Variants in TENM2 observed in about 807,000 individuals in gnomAD.
TENM2 encodes the protein teneurin transmembrane protein 2, also known as teneurin-2.
TENM2 carries 52 observed loss-of-function variants against 245.2 expected under a neutral mutation model. That is an observed-to-expected ratio of 0.21 (90% CI 0.17 to 0.27). The LOEUF is 0.27. Ranked by LOEUF, TENM2 falls within the 10% of genes least tolerant of loss-of-function variation. The pLI is 1.00. For synonymous variants in TENM2, 1,363 were observed against 1,438.9 expected, an observed-to-expected ratio of 0.95 and a Z score of 1.19; for missense variants, 3,046 against 3,666.8, an observed-to-expected ratio of 0.83 and a Z score of 4.37.
the TENM2 span, among the ~76,000 whole-genome samples, chr5:166,983,250 A>G: frequency 6.6e-6 from 1 of 152,094 alleles, no homozygotes; most frequent in Non-Finnish European, 1.5e-5. Flanking sequence ...CAGTCTATTT[A>G]ATATATTGTA....
chr5:167,814,474 AAG>A (rs1766884927), intron 2 of TENM2, among the ~76,000 whole-genome samples: 1 of 150,884 alleles, frequency 6.6e-6, no homozygotes, highest in Non-Finnish European at 1.5e-5. Flanking sequence ...AAAAAAGAAA[AAG>A]AAAAGAAAAA....
chr5:167,496,108 C>A (rs1196349464), intron 2 of TENM2, among the ~76,000 whole-genome samples: 1 of 152,028 alleles, frequency 6.6e-6, no homozygotes. Context: ...CTAGGACAAT[C>A]CTTTTAGAAA....
chr5:167,532,715 TATATATACACACAC>T (rs200854520), intron 2 of TENM2, among the ~76,000 whole-genome samples: 6 of 150,046 alleles, frequency 4.0e-5, no homozygotes, highest in Admixed American at 1.3e-4. Context: ...TCTATATATG[TATATATACACACAC>T]ATATATACAC....
chr5:167,200,686 C>T, the TENM2 span, among the ~76,000 whole-genome samples: 1 of 152,070 alleles, frequency 6.6e-6, no homozygotes, highest in Non-Finnish European at 1.5e-5. Context: ...AGAACCGTGG[C>T]ATGAGAATGT....
intron 2 of TENM2, among the ~76,000 whole-genome samples, chr5:167,800,909 A>G (rs899806737): frequency 1.3e-5 from 2 of 151,912 alleles, no homozygotes; most frequent in Admixed American, 1.3e-4. Context: ...TAGTCCCAGT[A>G]GATGAATAGG....
intron 2 of TENM2, among the ~76,000 whole-genome samples, chr5:167,859,239 A>C (rs1170863479): frequency 2.3e-5 from 1 of 43,798 alleles, no homozygotes; most frequent in African/African-American, 9.1e-5. Context: ...CCTGGCAACC[A>C]CCCCGTCTGA....
chr5:167,576,047 A>G (rs1223718324), intron 2 of TENM2, among the ~76,000 whole-genome samples: 1 of 152,196 alleles, frequency 6.6e-6, no homozygotes, highest in Non-Finnish European at 1.5e-5. Flanking sequence ...TGTATCATAT[A>G]TGCTTTGCTT....
rs544397356 is a variant in TENM2 at position 167,662,180 on chromosome 5, G to A, written c.503-213806G>A. ...TGCCCATTGTATTTATTTTTTAAACGAGCATCCACACAGAACCATGAGGTA... is the reference window on the plus strand; with the variant it reads ...TGCCCATTGTATTTATTTTTTAAACAAGCATCCACACAGAACCATGAGGTA... On this transcript the variant is annotated intron_variant, in intron 2 of 28. Coordinates refer to ENST00000518659, the Ensembl canonical transcript of TENM2. Among the ~76,000 whole-genome samples, 8 of 152,226 alleles carry A rather than the reference G, an allele frequency of 5.3e-5. No individual in the cohort carries two copies. In the South Asian group the frequency reaches 1.2e-3, roughly 24 times the overall value.
chr5:168,182,668 G>A (rs1311227042), intron 13 of TENM2, among the ~76,000 whole-genome samples: 3 of 152,060 alleles, frequency 2.0e-5, no homozygotes, highest in African/African-American at 4.8e-5. Flanking sequence ...GCATCTCAGC[G>A]GGCCCTGAGC....
chr5:167,080,082 G>GT, the TENM2 span, among the ~76,000 whole-genome samples: 1 of 152,098 alleles, frequency 6.6e-6, no homozygotes, highest in Non-Finnish European at 1.5e-5. Context: ...TAAATGTTGC[G>GT]TATCTTCCTG....
chr5:167,203,116 A>G, the TENM2 span, among the ~76,000 whole-genome samples: 12 of 152,286 alleles, frequency 7.9e-5, no homozygotes, highest in South Asian at 6.2e-4. Flanking sequence ...TTGCCTCCCA[A>G]TTATACTTGA....
chr5:168,168,201 C>T (rs1758477653), intron 13 of TENM2, among the ~76,000 whole-genome samples: 1 of 152,158 alleles, frequency 6.6e-6, no homozygotes, highest in Non-Finnish European at 1.5e-5. Context: ...GTGTCTGATA[C>T]AAGTGTGTTT....
chr5:167,128,700 C>A, the TENM2 span, among the ~76,000 whole-genome samples: 1 of 152,172 alleles, frequency 6.6e-6, no homozygotes, highest in Admixed American at 6.5e-5. Flanking sequence ...AGTTAGGGTG[C>A]AGCCTATTCA....
intron 4 of TENM2, among the ~76,000 whole-genome samples, chr5:167,983,032 C>G (rs1782959468): frequency 6.6e-6 from 1 of 152,148 alleles, no homozygotes; most frequent in Non-Finnish European, 1.5e-5. Flanking sequence ...TGTCTGGACA[C>G]TCCCATATGA....
chr5:167,140,907 C>T, the TENM2 span, among the ~76,000 whole-genome samples: 2 of 152,146 alleles, frequency 1.3e-5, no homozygotes, highest in South Asian at 2.1e-4. Flanking sequence ...CTCTATACTA[C>T]CATTAAAACC....
Position 167,673,759 on chromosome 5 carries a change from A to T in TENM2, c.503-202227A>T, listed in dbSNP as rs1027823665. ...AGGGACACCTTTTCTCCAATACCTTATTTTTTTTTTTGAGTGTAGAACAAT... is the reference window on the plus strand; with the variant it reads ...AGGGACACCTTTTCTCCAATACCTTTTTTTTTTTTTTGAGTGTAGAACAAT... On this transcript the variant is annotated intron_variant, in intron 2 of 28. Transcript: ENST00000518659. Among the ~76,000 whole-genome samples, 18 of 147,940 alleles carry T rather than the reference A, an allele frequency of 1.2e-4. No homozygotes were observed. The East Asian group carries it at 3.1e-3, about 26-fold the overall frequency.
the TENM2 span, among the ~76,000 whole-genome samples, chr5:167,071,150 C>G: frequency 2.0e-5 from 3 of 152,056 alleles, no homozygotes; most frequent in Non-Finnish European, 2.9e-5. Context: ...TGTACTATTC[C>G]TAATTATAAA....
intron 26 of TENM2, among the ~76,000 whole-genome samples, chr5:168,245,233 G>T (rs1418730190): frequency 9.1e-6 from 1 of 110,168 alleles, no homozygotes; most frequent in Non-Finnish European, 1.7e-5. Context: ...TTGGGGTGGG[G>T]GGCGGGGGTG....
chr5:167,768,985 A>G lies in TENM2; in HGVS notation c.503-107001A>G, dbSNP rs113622250. 7.7e-3 allele frequency among the ~76,000 whole-genome samples: 1,178 copies of G among 152,272 alleles called. 19 individuals carry two copies. The highest frequency in any genetic ancestry group is 0.027 in the African/African-American group (1,127 of 41,548). ...CAGCAGCTCTGTTTTTGGTATCAAA[A>G]ATCTGAAATAGTGTTACTTTACAGT... On this transcript the variant is annotated intron_variant, in intron 2 of 28. Coordinates refer to ENST00000518659, the Ensembl canonical transcript of TENM2.
Sources: gnomAD v4.1 joint callset for allele counts (sites outside exome capture counted in the v4.1 genomes callset) on GRCh38, gnomAD v4.1.1 for gene constraint, MANE v1.5 for transcripts, NCBI Gene and HGNC (gene_info 2026-07-23, HGNC 2026-07-21) for gene names.